Variants in RIIAD1 observed in about 807,000 individuals in gnomAD.
The protein encoded by RIIAD1 is RIIa domain-containing protein 1.
Under a neutral mutation model 13.3 loss-of-function variants are expected in RIIAD1, and 15 were observed. The ratio of observed to expected loss-of-function variants is 1.13; its 90% confidence interval spans 0.76 to 1.74. RIIAD1 has a LOEUF of 1.74. Ranked by LOEUF, RIIAD1 falls within the 40% of genes most tolerant of loss-of-function variation. The probability of loss-of-function intolerance (pLI) is 0.00; values close to 1 mark genes in which losing one functional copy is unlikely to be tolerated. For synonymous variants in RIIAD1, 50 were observed against 43.3 expected (o/e 1.16, Z -0.61); for missense variants, 121 against 112.2 (o/e 1.08, Z -0.35).
Position 151,728,743 on chromosome 1 carries a change from C to G in RIIAD1, c.209-23C>G, listed in dbSNP as rs112196483. The G allele has an allele frequency of 3.0e-3, 4,219 of 1,412,122 alleles. 70 individuals are homozygous for G. In the African/African-American group the frequency reaches 0.043, roughly 14 times the overall value. The allele number at this position is 1,412,122 out of a possible 1,614,324, so 87.5% of individuals were successfully genotyped here. On this transcript the variant is annotated intron_variant, in intron 3 of 4. Transcript: ENST00000479191. Reference sequence around the variant, plus strand: ...TTTTCCCTTTGGGTATAGATGATGTCTTCTTTTTGATTTTTATCCCAGACT... The same window carrying G: ...TTTTCCCTTTGGGTATAGATGATGTGTTCTTTTTGATTTTTATCCCAGACT...
chr1:151,727,008 G>T (rs1159720738), intron 2 of RIIAD1, among the ~76,000 whole-genome samples: 1 of 152,196 alleles, frequency 6.6e-6, no homozygotes, highest in East Asian at 1.9e-4. Flanking sequence ...GATCGTTGAG[G>T]CCGGGTGCCG....
In RIIAD1 at chr1:151,728,704, T is replaced by G. The variant is rs1023370066; in HGVS notation, c.209-62T>G. ...TTTTTGGTGGAGTAAGCTGTCTCCT[T>G]CCATGGGTAAATCTTTTCCCTTTGG... On this transcript the variant is annotated intron_variant, in intron 3 of 4. Transcript: ENST00000479191. The G allele has an allele frequency of 8.9e-6, 9 of 1,007,794 alleles. No homozygotes were observed. The African/African-American group carries it at 1.3e-4, about 14-fold the overall frequency. 62.4% of individuals were successfully genotyped at this position (1,007,794 alleles called of 1,614,324 possible).
intron 2 of RIIAD1, among the ~76,000 whole-genome samples, chr1:151,712,940 A>G (rs558339138): frequency 3.3e-5 from 5 of 152,098 alleles, no homozygotes; most frequent in Admixed American, 6.5e-5. Flanking sequence ...CACACACTGC[A>G]TGCACACACA....
In RIIAD1 at chr1:151,721,956, A is replaced by G. The variant is rs551256801; in HGVS notation, c.85-130A>G. The stretch of plus-strand genomic sequence containing the variant: ...TTATCTGTAAGAAGATGGGTGGCTT[A>G]AACTTTCAAGCATCCTGGGGAAAGA... On this transcript the variant is annotated intron_variant, in intron 1 of 4. Coordinates refer to ENST00000479191, the MANE Select transcript of RIIAD1 (RefSeq NM_001144956.3). 9 of 676,206 alleles carry G rather than the reference A, an allele frequency of 1.3e-5. No individual in the cohort carries two copies. In the Admixed American group the frequency reaches 1.6e-4, roughly 12 times the overall value. 41.9% of individuals were successfully genotyped at this position (676,206 alleles called of 1,614,324 possible). A position where few individuals can be genotyped will look rare whatever the true frequency, so the allele number is the denominator to read the frequency against.
upstream of RIIAD1, among the ~76,000 whole-genome samples, chr1:151,719,979 A>G (rs1673706702): frequency 6.6e-6 from 1 of 152,230 alleles, no homozygotes; most frequent in African/African-American, 2.4e-5. Flanking sequence ...AGCCACATAT[A>G]TGGTTTAAAA....
At chr1:151,713,989 C>T (rs990148058) in intron 3 of RIIAD1, among the ~76,000 whole-genome samples, 8 of 152,204 alleles carry the variant, frequency 5.3e-5, no homozygotes, top group Admixed American at 5.2e-4. Context: ...ATGTCTGTCC[C>T]TGCCCTTGCC....
chr1:151,726,327 A>C (rs914022117), intron 2 of RIIAD1, among the ~76,000 whole-genome samples: 2 of 152,218 alleles, frequency 1.3e-5, no homozygotes, highest in African/African-American at 2.4e-5. Flanking sequence ...CTTCCTTTTT[A>C]CTTACCTGTA....
In RIIAD1 at chr1:151,721,560, G is replaced by A; in HGVS notation, c.24G>A (p.Leu8=). 1 of 1,330,184 alleles carries A rather than the reference G, an allele frequency of 7.5e-7. No homozygotes were observed. Among genetic ancestry groups the A allele is most frequent in the Non-Finnish European group, 9.6e-7 (1 of 1,038,416 alleles). 82.4% of individuals were successfully genotyped at this position (1,330,184 alleles called of 1,614,324 possible). A position where few individuals can be genotyped will look rare whatever the true frequency, so the allele number is the denominator to read the frequency against. Residue 8 remains leucine, a synonymous_variant, in exon 1 of 5, where the codon CTG becomes CTA. Transcript: ENST00000479191. Reference sequence around the variant, plus strand: ...AGATGGAGACGCTGCCAGGCTTGCTGCAGCGGCCCGACCCCGGGGCGCTTA... The same window carrying A: ...AGATGGAGACGCTGCCAGGCTTGCTACAGCGGCCCGACCCCGGGGCGCTTA... METLPGL[L]QRPDPGALSA...
intron 2 of RIIAD1, chr1:151,713,449 AC>A (rs1673193737): frequency 6.6e-6 from 1 of 151,900 alleles, no homozygotes; most frequent in Non-Finnish European, 1.5e-5. Flanking sequence ...TTTTCCTCTG[AC>A]CCCCTCTCAT....
intron 4 of RIIAD1, chr1:151,715,666 A>G (rs551024937): frequency 1.3e-6 from 2 of 1,517,870 alleles, no homozygotes; most frequent in Admixed American, 2.0e-5. Context: ...ACAACTCTTC[A>G]GCCAAAAGAG....
chr1:151,721,608 G>C lies in RIIAD1; in HGVS notation c.72G>C (p.Leu24=). 8.5e-6 allele frequency: 11 copies of C among 1,300,390 alleles called. No homozygotes were observed. The highest frequency in any genetic ancestry group is 1.1e-5 in the Non-Finnish European group (11 of 1,021,282). The allele number at this position is 1,300,390 out of a possible 1,614,324, so 80.6% of individuals were successfully genotyped here. ...TTAGCGCAGCGCAGCTGGAGCAGCT[G>C]CGAAAATTCAAGGTGGGTGCGCCCG... ...GALSAAQLEQ[L]RKFKIQTRIA... The change falls in exon 1 of 5, where the codon CTG becomes CTC. Residue 24 remains leucine (L), a synonymous_variant. Transcript: ENST00000479191.
upstream of RIIAD1, chr1:151,716,887 C>A (rs562841308): frequency 1.4e-3 from 609 of 430,790 alleles, 5 homozygotes; most frequent in South Asian, 2.8e-3. Flanking sequence ...AATACAAATT[C>A]TCTACCCTGG....
chr1:151,715,138 G>T (rs1383665044), intron 4 of RIIAD1, among the ~76,000 whole-genome samples: 2 of 152,028 alleles, frequency 1.3e-5, no homozygotes, highest in African/African-American at 4.8e-5. Flanking sequence ...ATAGAGAAGG[G>T]AAGGGAAGAA....
chr1:151,716,334 G>T, intron 4 of RIIAD1: 3 of 350,768 alleles, frequency 8.6e-6, no homozygotes, highest in East Asian at 5.2e-5. Flanking sequence ...AGACCTGGAG[G>T]GTTAGGTGGT....
intron 2 of RIIAD1, among the ~76,000 whole-genome samples, chr1:151,726,142 C>T (rs1673825557): frequency 6.6e-6 from 1 of 152,182 alleles, no homozygotes; most frequent in African/African-American, 2.4e-5. Context: ...CTGCCTACTA[C>T]AATCCCATGT....
chr1:151,716,011 G>C (rs1337642555), intron 4 of RIIAD1: 1 of 1,612,418 alleles, frequency 6.2e-7, no homozygotes, highest in South Asian at 1.1e-5. Flanking sequence ...ATGGCATCCG[G>C]CTCCTTCATT....
intron 3 of RIIAD1, 180 bp from the exon 4 acceptor site, chr1:151,728,586 C>T: frequency 1.6e-5 from 9 of 578,356 alleles, no homozygotes; most frequent in Non-Finnish European, 2.5e-5. Flanking sequence ...ATCAGAACTG[C>T]TCGGGTGGGG....
At chr1:151,722,488 A>C (rs895814057) in intron 2 of RIIAD1, among the ~76,000 whole-genome samples, 1 of 152,008 alleles carries the variant, frequency 6.6e-6, no homozygotes, top group Admixed American at 6.6e-5. Context: ...GTTGGAAGCC[A>C]CTCTTTTCTT....
At chr1:151,723,511 C>A (rs770504998) in intron 2 of RIIAD1, among the ~76,000 whole-genome samples, 2 of 151,114 alleles carry the variant, frequency 1.3e-5, no homozygotes, top group African/African-American at 2.4e-5. Flanking sequence ...ACCTGCCTGG[C>A]CAACATGAGG....
Sources: allele counts gnomAD v4.1 joint callset (sites outside exome capture counted in the v4.1 genomes callset), GRCh38; gene constraint gnomAD v4.1.1; transcripts MANE v1.5; gene names NCBI Gene and HGNC (gene_info 2026-07-23, HGNC 2026-07-21).